The following NINJ2 variants were observed in gnomAD, a reference collection of about 807,000 sequenced individuals.
The protein encoded by NINJ2 is ninjurin-2.
Under a neutral mutation model 11.7 loss-of-function variants are expected in NINJ2, and 12 were observed. That is an observed-to-expected ratio of 1.02 (90% CI 0.66 to 1.66). The LOEUF is 1.66. Among genes scored for constraint, NINJ2 ranks in the 40% most tolerant of loss-of-function variants. The probability of loss-of-function intolerance (pLI) is 0.00; values close to 1 mark genes in which losing one functional copy is unlikely to be tolerated. For missense variants in NINJ2, 187 were observed against 181.8 expected (o/e 1.03, Z -0.16); for synonymous variants, 93 against 76.8 (o/e 1.21, Z -1.10).
At chr12:651,926 T>C (rs1183574823) in intron 1 of NINJ2, among the ~76,000 whole-genome samples, 1 of 151,950 alleles carries the variant, frequency 6.6e-6, no homozygotes, top group Non-Finnish European at 1.5e-5. Flanking sequence ...CTGAGAAAAA[T>C]AGAACAGACT....
rs1426437005 is a variant in NINJ2 at position 635,507 on chromosome 12, T to A, written c.33+27821A>T. Among the ~76,000 whole-genome samples the A allele has an allele frequency of 2.0e-5, 3 of 152,316 alleles. No homozygotes were observed. The South Asian group carries it at 6.2e-4, about 32-fold the overall frequency. On this transcript the variant is annotated intron_variant, in intron 1 of 3. Coordinates refer to ENST00000305108, the MANE Select transcript of NINJ2 (RefSeq NM_016533.6). ...GGATAATCTTTTCAGTAAATGGTGC[T>A]GGAAAAACTGGATAGTCCCACATAC...
At chr12:606,243 T>A (rs1288596391) in intron 1 of NINJ2, among the ~76,000 whole-genome samples, 1 of 151,788 alleles carries the variant, frequency 6.6e-6, no homozygotes, top group Non-Finnish European at 1.5e-5. Context: ...AAATATGAAA[T>A]TAAAAATATA....
At chr12:568,775 A>G (rs947132601) in intron 1 of NINJ2, among the ~76,000 whole-genome samples, 2 of 152,138 alleles carry the variant, frequency 1.3e-5, no homozygotes, top group Non-Finnish European at 2.9e-5. Context: ...CAGTGGAGCA[A>G]TTTAAACACT....
chr12:606,238 T>C (rs1321466941), intron 1 of NINJ2, among the ~76,000 whole-genome samples: 1 of 151,804 alleles, frequency 6.6e-6, no homozygotes, highest in Non-Finnish European at 1.5e-5. Context: ...ACTAAAAATA[T>C]GAAATTAAAA....
rs556168715 is a variant in NINJ2 at position 654,160 on chromosome 12, A to T, written c.33+9168T>A. 9.2e-5 allele frequency among the ~76,000 whole-genome samples: 14 copies of T among 152,258 alleles called. No homozygotes were observed. In the East Asian group the frequency reaches 2.5e-3, roughly 27 times the overall value. ...CAGTGAGCCAAGATGGTGCCACTGC[A>T]CTCCAGCCTGGGTGATGGGTGATAG... is the stretch of plus-strand genomic sequence containing the variant. On this transcript the variant is annotated intron_variant, in intron 1 of 3. Coordinates refer to ENST00000305108, the MANE Select transcript of NINJ2 (RefSeq NM_016533.6).
chr12:565,684 T>G (rs575294306), intron 2 of NINJ2: 2 of 615,522 alleles, frequency 3.2e-6, no homozygotes, highest in South Asian at 3.7e-5. Flanking sequence ...GTGAGTGAGT[T>G]AGCAGTTAGC....
Position 589,777 on chromosome 12 carries a change from C to T in NINJ2, c.34-23599G>A, listed in dbSNP as rs117428056. 3.8e-4 allele frequency among the ~76,000 whole-genome samples: 58 copies of T among 152,060 alleles called. No individual in the cohort carries two copies. In the East Asian group the frequency reaches 9.7e-3, roughly 25 times the overall value. On this transcript the variant is annotated intron_variant, in intron 1 of 3. Coordinates refer to ENST00000305108, the MANE Select transcript of NINJ2 (RefSeq NM_016533.6). ...ATGTCTCAGGCTGGGCATGCAGAGA[C>T]GAATCCATATGGCTCCTGCTCTCAA...
intron 1 of NINJ2, among the ~76,000 whole-genome samples, chr12:638,820 T>C (rs1216530828): frequency 2.0e-5 from 3 of 152,226 alleles, no homozygotes; most frequent in African/African-American, 7.2e-5. Flanking sequence ...TACAAACCTC[T>C]CGGGAACCAT....
chr12:655,809 A>G (rs1472396335), intron 1 of NINJ2, among the ~76,000 whole-genome samples: 1 of 152,026 alleles, frequency 6.6e-6, no homozygotes, highest in African/African-American at 2.4e-5. Flanking sequence ...GCTACTCAGG[A>G]GGCTGAGGCA....
At chr12:569,024 G>T (rs140625377) in intron 1 of NINJ2, among the ~76,000 whole-genome samples, 3 of 152,308 alleles carry the variant, frequency 2.0e-5, no homozygotes, top group Non-Finnish European at 4.4e-5. Flanking sequence ...GAAAGGAATG[G>T]AGTGCTCACT....
At chr12:599,603 C>T (rs1047243837) in intron 1 of NINJ2, among the ~76,000 whole-genome samples, 1 of 152,204 alleles carries the variant, frequency 6.6e-6, no homozygotes. Flanking sequence ...GAGAAAACAA[C>T]TCAGAGAGGT....
chr12:612,374 G>C (rs918182710), intron 1 of NINJ2, among the ~76,000 whole-genome samples: 7 of 152,202 alleles, frequency 4.6e-5, no homozygotes, highest in Non-Finnish European at 1.0e-4. Context: ...CACCTAGGAG[G>C]TAGCCTGGTG....
In NINJ2 at chr12:614,079, G is replaced by A. The variant is rs1948064816; in HGVS notation, c.34-47901C>T. ...CCAGAAGCCACAGGCATGTGGGGTGGAGAAAGGCCAAGCAGCTTGTCCATA... is the reference window on the plus strand; with the variant it reads ...CCAGAAGCCACAGGCATGTGGGGTGAAGAAAGGCCAAGCAGCTTGTCCATA... On this transcript the variant is annotated intron_variant, in intron 1 of 3. Transcript: ENST00000305108. This position sits in a 1 kb window ranked among gnomAD's most constrained non-coding sequence, Gnocchi z 5.1. 6.6e-6 allele frequency among the ~76,000 whole-genome samples: 1 copy of A among 152,052 alleles called. No individual in the cohort carries two copies. The highest frequency in any genetic ancestry group is 1.5e-5 in the Non-Finnish European group (1 of 68,020).
At chr12:586,211 C>T (rs530528989) in intron 1 of NINJ2, 1 of 152,308 alleles carries the variant, frequency 6.6e-6, no homozygotes, top group African/African-American at 2.4e-5. Flanking sequence ...AGCACAGGGC[C>T]CTCCTGAGCA....
intron 1 of NINJ2, among the ~76,000 whole-genome samples, chr12:658,291 C>T (rs1937899453): frequency 6.6e-6 from 1 of 152,144 alleles, no homozygotes; most frequent in Admixed American, 6.5e-5. Context: ...AGGTGTGAGC[C>T]ACTGCGCCCA....
At chr12:612,383 T>G (rs573478495) in intron 1 of NINJ2, among the ~76,000 whole-genome samples, 1 of 152,208 alleles carries the variant, frequency 6.6e-6, no homozygotes, top group South Asian at 2.1e-4. Context: ...GGTAGCCTGG[T>G]GACATTATAT....
chr12:643,774 T>TGGAAGAGTAGA, intron 1 of NINJ2: 1 of 713,062 alleles, frequency 1.4e-6, no homozygotes, highest in Non-Finnish European at 1.7e-6. Flanking sequence ...GTCAGTCTAC[T>TGGAAGAGTAGA]CTTCCAGTAG....
intron 1 of NINJ2, among the ~76,000 whole-genome samples, chr12:601,082 GCT>G (rs1947860099): frequency 6.6e-6 from 1 of 152,144 alleles, no homozygotes; most frequent in Non-Finnish European, 1.5e-5. Context: ...CCTGTGATTT[GCT>G]CTCTCCTGCA....
At chr12:599,460 G>A (rs7308247) in intron 1 of NINJ2, among the ~76,000 whole-genome samples, 111,862 of 151,902 alleles carry the variant, frequency 0.74, 41,416 homozygotes, top group Non-Finnish European at 0.78. Flanking sequence ...CATTTGAGGG[G>A]GTCATAGCCC....
Sources: allele counts gnomAD v4.1 joint callset (sites outside exome capture counted in the v4.1 genomes callset), GRCh38; gene constraint gnomAD v4.1.1; non-coding constraint Gnocchi (gnomAD v3.1); transcripts MANE v1.5; gene names NCBI Gene and HGNC (gene_info 2026-07-23, HGNC 2026-07-21).